HERC2: variants seen among roughly 807,000 people sequenced by gnomAD.
HERC2 encodes HECT and RLD domain containing E3 ubiquitin protein ligase 2.
A neutral mutation model predicts 537.7 loss-of-function variants in HERC2; 102 were observed. That is an observed-to-expected ratio of 0.19 (90% CI 0.16 to 0.22). The LOEUF is 0.22. HERC2 is among the 10% of genes least tolerant of loss of function. HERC2 has a pLI of 1.00. For synonymous variants in HERC2, 2,224 were observed against 2,466.2 expected (o/e 0.90, Z 2.91); for missense variants, 4,236 against 6,198.2 (o/e 0.68, Z 10.63).
intron 69 of HERC2, among the ~76,000 whole-genome samples, chr15:28,160,782 A>G (rs955792292): frequency 3.3e-5 from 5 of 152,160 alleles, no homozygotes; most frequent in Non-Finnish European, 7.4e-5. Context: ...TGAACCTGGT[A>G]TCTCAGTTGG....
rs765878167 is a variant in HERC2, at chr15:28,116,692, C to T, written c.13582G>A (p.Val4528Met). The T allele has an allele frequency of 2.9e-5, 47 of 1,612,946 alleles. No homozygotes were observed. The highest frequency in any genetic ancestry group is 8.0e-5 in the African/African-American group (6 of 74,894). Residue 4528 changes from valine (V) to methionine (M), a missense_variant, in exon 88 of 93, where the codon GTG becomes ATG. Physicochemically the swap from Val to Met is conservative, Grantham distance 21 (BLOSUM62 1). Coordinates refer to ENST00000261609, the MANE Select transcript of HERC2 (RefSeq NM_004667.6). The stretch of plus-strand genomic sequence containing the variant: ...AGGAAGCGGAACATGCTGCTGTGCA[C>T]GGGTGCTCTGGCGGCCGGGCTGAGC... ...YLLSPAARAP[V>M]HSSMFRFLGV...
intron 2 of HERC2, among the ~76,000 whole-genome samples, chr15:28,318,964 C>G (rs1447669091): frequency 6.6e-6 from 1 of 150,664 alleles, no homozygotes; most frequent in Non-Finnish European, 1.5e-5. Context: ...AATTCTGTTT[C>G]CAATACAAAA....
chr15:28,297,694 T>C (rs1051778602), intron 3 of HERC2, among the ~76,000 whole-genome samples: 4 of 152,154 alleles, frequency 2.6e-5, no homozygotes, highest in South Asian at 4.1e-4. Context: ...AGGCCAACTA[T>C]TGCCTCTGGG....
At chr15:28,191,840 C>T (rs970008275) in intron 53 of HERC2, 121 bp downstream of exon 53, 19 of 695,146 alleles carry the variant, frequency 2.7e-5, no homozygotes, top group Admixed American at 2.0e-4. Flanking sequence ...TAAAACATAA[C>T]GTGAGTACTG....
Position 28,144,059 on chromosome 15 carries a change from T to C in HERC2, c.11299+18A>G, listed in dbSNP as rs751200094. The C allele has an allele frequency of 3.7e-6, 6 of 1,614,124 alleles. No individual in the cohort carries two copies. Among genetic ancestry groups the C allele is most frequent in the Non-Finnish European group, 4.2e-6 (5 of 1,180,026 alleles). On this transcript the variant is annotated intron_variant, in intron 73 of 92. Coordinates refer to ENST00000261609, the MANE Select transcript of HERC2 (RefSeq NM_004667.6). The stretch of plus-strand genomic sequence containing the variant: ...TTCCAAGCAGGAAGACAGATGTAAC[T>C]GTAATGGTGGCATTTACCTAGGGCA...
At chr15:28,193,159 T>A (rs1157432476) in intron 52 of HERC2, among the ~76,000 whole-genome samples, 1 of 152,032 alleles carries the variant, frequency 6.6e-6, no homozygotes, top group African/African-American at 2.4e-5. Context: ...CAAGAAAATA[T>A]GACTAAAAAT....
chr15:28,193,264 T>A (rs796413710), intron 52 of HERC2, among the ~76,000 whole-genome samples: 8 of 152,252 alleles, frequency 5.3e-5, no homozygotes, highest in African/African-American at 1.9e-4. Context: ...GCTTACTGTG[T>A]TCAAAAAGAT....
In HERC2 at chr15:28,265,474, T is replaced by C. The variant is rs1257016113; in HGVS notation, c.1870+144A>G. The C allele has an allele frequency of 1.5e-6, 1 of 652,276 alleles. No individual in the cohort carries two copies. The highest frequency in any genetic ancestry group is 2.7e-5 in the East Asian group (1 of 36,460). 40.4% of individuals were successfully genotyped at this position (652,276 alleles called of 1,614,324 possible). ...CAAGCCCAGTAACCACCCGGGCCTCTTCCCCAATGCCACTGAGCCCCACAC... is the reference window on the plus strand; with the variant it reads ...CAAGCCCAGTAACCACCCGGGCCTCCTCCCCAATGCCACTGAGCCCCACAC... On this transcript the variant is annotated intron_variant, in intron 14 of 92. Transcript: ENST00000261609. This position sits in a 1 kb window ranked among gnomAD's most constrained non-coding sequence, Gnocchi z 4.0.
intron 17 of HERC2, 131 bp downstream of exon 17, chr15:28,256,930 G>C: frequency 1.3e-6 from 1 of 787,808 alleles, no homozygotes; most frequent in South Asian, 1.8e-5. Context: ...TCCATTATTA[G>C]TGCATTACAA....
intron 16 of HERC2, 53 bp downstream of exon 16, chr15:28,260,724 C>T (rs1247589212): frequency 1.3e-6 from 2 of 1,517,276 alleles, no homozygotes; most frequent in African/African-American, 1.4e-5. Context: ...TGGTAATGAA[C>T]AACTGGAAAC....
chr15:28,206,675 T>C (rs571446969), intron 44 of HERC2, among the ~76,000 whole-genome samples: 1,527 of 150,630 alleles, frequency 0.01, 33 homozygotes, highest in African/African-American at 0.035. Context: ...CTACTAAAAA[T>C]ACAAAACATT....
intron 44 of HERC2, among the ~76,000 whole-genome samples, chr15:28,210,727 G>T (rs914748777): frequency 2.0e-5 from 3 of 151,964 alleles, no homozygotes; most frequent in African/African-American, 7.2e-5. Context: ...ACACATACCT[G>T]CGTGCCACCA....
At chr15:28,301,857 T>A (rs1288546216) in intron 2 of HERC2, among the ~76,000 whole-genome samples, 2 of 147,638 alleles carry the variant, frequency 1.4e-5, no homozygotes, top group Admixed American at 6.8e-5. Context: ...TGGAGTGCAG[T>A]TGTGCGATCT....
At chr15:28,175,706 A>G (rs1367812377) in intron 63 of HERC2, 50 bp from the exon 64 acceptor site, 1 of 1,587,920 alleles carries the variant, frequency 6.3e-7, no homozygotes, top group South Asian at 1.1e-5. Flanking sequence ...TGGTCTGACA[A>G]TGCTATACAA....
chr15:28,239,437 AG>A (rs1902820493), intron 23 of HERC2, among the ~76,000 whole-genome samples: 1 of 151,482 alleles, frequency 6.6e-6, no homozygotes, highest in African/African-American at 2.4e-5. Flanking sequence ...AAATAGTTAA[AG>A]GGAGGTGGCA....
rs1418436051 is a variant in HERC2 at position 28,223,086 on chromosome 15, G to C, written c.5465-871C>G. On this transcript the variant is annotated intron_variant, in intron 35 of 92. Transcript: ENST00000261609. Reference sequence around the variant, plus strand: ...TCCTCCTGGCCAACCATCAAACCTGGGGGTGGTCTTGGAGACCCCTGACAA... The same window carrying C: ...TCCTCCTGGCCAACCATCAAACCTGCGGGTGGTCTTGGAGACCCCTGACAA... Among the ~76,000 whole-genome samples the C allele has an allele frequency of 5.9e-5, 9 of 152,112 alleles. No individual in the cohort carries two copies. The East Asian group carries it at 1.7e-3, about 29-fold the overall frequency.
intron 17 of HERC2, 99 bp downstream of exon 17, chr15:28,256,962 C>T (rs117663995): frequency 0.011 from 10,654 of 992,644 alleles, 172 homozygotes; most frequent in South Asian, 0.045. Flanking sequence ...AATATTTCAC[C>T]GAACAGGCTA....
intron 83 of HERC2, among the ~76,000 whole-genome samples, chr15:28,126,623 C>T (rs944364053): frequency 6.6e-6 from 1 of 152,172 alleles, no homozygotes; most frequent in Non-Finnish European, 1.5e-5. Context: ...AGTAAAGTAA[C>T]TCAGGAACGG....
At chr15:28,116,918 C>A in intron 87 of HERC2, 59 bp from the exon 88 acceptor site, 1 of 1,608,424 alleles carries the variant, frequency 6.2e-7, no homozygotes, top group East Asian at 2.2e-5. Context: ...AAAGAGAGCC[C>A]CAACGCTCCC....
Sources: allele counts gnomAD v4.1 joint callset (sites outside exome capture counted in the v4.1 genomes callset), GRCh38; gene constraint gnomAD v4.1.1; non-coding constraint Gnocchi (gnomAD v3.1); transcripts MANE v1.5; gene names NCBI Gene and HGNC (gene_info 2026-07-23, HGNC 2026-07-21).